Variants in FOXO3 observed in about 807,000 individuals in gnomAD.
FOXO3 encodes the protein forkhead box O3, also known as forkhead box protein O3.
Under a neutral mutation model 41.9 loss-of-function variants are expected in FOXO3, and 4 were observed. The ratio of observed to expected loss-of-function variants is 0.10; its 90% CI spans 0.05 to 0.22. The LOEUF (loss-of-function observed/expected upper bound fraction) is 0.22. FOXO3 is among the 10% of genes least tolerant of loss of function. The probability of loss-of-function intolerance (pLI) is 1.00; values close to 1 mark genes in which losing one functional copy is unlikely to be tolerated. For synonymous variants in FOXO3, 318 were observed against 389.3 expected (o/e 0.82, Z 2.16); for missense variants, 534 against 906.8 (o/e 0.59, Z 5.28).
At chr6:108,633,422 C>A (rs927896107) in intron 1 of FOXO3, among the ~76,000 whole-genome samples, 1 of 151,960 alleles carries the variant, frequency 6.6e-6, no homozygotes, top group Non-Finnish European at 1.5e-5. Flanking sequence ...TGTTTATTAT[C>A]AAGAATGTAG....
intron 1 of FOXO3, among the ~76,000 whole-genome samples, chr6:108,645,290 T>G (rs906537726): frequency 1.3e-5 from 2 of 152,178 alleles, no homozygotes; most frequent in African/African-American, 4.8e-5. Flanking sequence ...TTGTGAAAAT[T>G]GTTGCTAAGG....
At chr6:108,598,857 C>T (rs935991188) in intron 1 of FOXO3, among the ~76,000 whole-genome samples, 1 of 152,178 alleles carries the variant, frequency 6.6e-6, no homozygotes, top group African/African-American at 2.4e-5. Context: ...TCATTGGAGA[C>T]TGCCCACCCA....
At chr6:108,585,717 G>A (rs1247266111) in intron 1 of FOXO3, among the ~76,000 whole-genome samples, 1 of 152,168 alleles carries the variant, frequency 6.6e-6, no homozygotes, top group Non-Finnish European at 1.5e-5. Flanking sequence ...AGGCTACTTA[G>A]GGTGCCTTAG....
intron 1 of FOXO3, among the ~76,000 whole-genome samples, chr6:108,627,817 T>C (rs536699098): frequency 2.2e-4 from 34 of 152,302 alleles, no homozygotes; most frequent in African/African-American, 6.0e-4. Flanking sequence ...TTGGTTTAAA[T>C]CCTCTGCTTA....
intron 1 of FOXO3, among the ~76,000 whole-genome samples, chr6:108,641,800 G>GA (rs370056438): frequency 0.021 from 3,176 of 151,964 alleles, 111 homozygotes; most frequent in African/African-American, 0.071. Flanking sequence ...AAAAAATACA[G>GA]AAAAAAAGTA....
intron 2 of FOXO3, among the ~76,000 whole-genome samples, chr6:108,673,329 G>A (rs534371372): frequency 7.9e-5 from 12 of 152,222 alleles, no homozygotes; most frequent in Non-Finnish European, 1.3e-4. Flanking sequence ...GGCCACCGGG[G>A]CCACACACGC....
At chr6:108,561,954 G>C (rs1016101287) in intron 1 of FOXO3, 125 bp downstream of exon 1, 24 of 1,358,710 alleles carry the variant, frequency 1.8e-5, no homozygotes, top group African/African-American at 1.5e-5. Context: ...GGGAGCCTCC[G>C]CTGCGAGGCT....
intron 1 of FOXO3, among the ~76,000 whole-genome samples, chr6:108,581,055 C>T (rs1477250161): frequency 1.3e-5 from 2 of 152,214 alleles, no homozygotes; most frequent in Non-Finnish European, 2.9e-5. Flanking sequence ...GCTTTCTCTC[C>T]CTGCCCCTGC....
chr6:108,665,140 C>G (rs976276771), intron 2 of FOXO3, among the ~76,000 whole-genome samples: 3 of 152,178 alleles, frequency 2.0e-5, no homozygotes, highest in African/African-American at 7.2e-5. Context: ...GAAGAGAACA[C>G]GTACGCATTC....
At chr6:108,634,270 T>C (rs914240421) in intron 1 of FOXO3, among the ~76,000 whole-genome samples, 2 of 152,104 alleles carry the variant, frequency 1.3e-5, no homozygotes, top group Non-Finnish European at 2.9e-5. Context: ...GCAGTTCAGG[T>C]ATTGAGTATA....
At chr6:108,589,104 C>G (rs912781083) in intron 1 of FOXO3, among the ~76,000 whole-genome samples, 2 of 152,216 alleles carry the variant, frequency 1.3e-5, no homozygotes, top group Admixed American at 1.3e-4. Flanking sequence ...AGAATGGAGG[C>G]TGTCATGGAG....
intron 1 of FOXO3, among the ~76,000 whole-genome samples, chr6:108,568,641 GC>G (rs1394666586): frequency 6.6e-6 from 1 of 152,172 alleles, no homozygotes; most frequent in Non-Finnish European, 1.5e-5. Flanking sequence ...CATATGGATA[GC>G]CTTAGTTCTG....
At chr6:108,641,730 T>C (rs1349315774) in intron 1 of FOXO3, among the ~76,000 whole-genome samples, 1 of 152,044 alleles carries the variant, frequency 6.6e-6, no homozygotes, top group Non-Finnish European at 1.5e-5. Context: ...CCTTAAAATA[T>C]AAGTATATGA....
At chr6:108,581,045 G>A (rs1445532971) in intron 1 of FOXO3, among the ~76,000 whole-genome samples, 1 of 152,204 alleles carries the variant, frequency 6.6e-6, no homozygotes, top group South Asian at 2.1e-4. Context: ...TGTAGTCATT[G>A]CTTTCTCTCC....
intron 2 of FOXO3, among the ~76,000 whole-genome samples, chr6:108,678,960 C>T (rs1770736500): frequency 7.0e-6 from 1 of 143,418 alleles, no homozygotes; most frequent in Non-Finnish European, 1.5e-5. Flanking sequence ...CAAGCTCTGC[C>T]TCTCAGGTTC....
rs556296477 is a variant in FOXO3 at position 108,628,765 on chromosome 6, T to G, written c.622-34690T>G. On this transcript the variant is annotated intron_variant, in intron 1 of 2. Coordinates refer to ENST00000406360, the MANE Select transcript of FOXO3 (RefSeq NM_001455.4). The stretch of plus-strand genomic sequence containing the variant: ...AGCTAGACAGTACTCTACCCTGGGA[T>G]AGTGTGGAGAGGACATCCTTTCCCA... Among the ~76,000 whole-genome samples the G allele has an allele frequency of 7.2e-5, 11 of 152,204 alleles. 1 individual carries two copies. The highest frequency in any genetic ancestry group is 2.6e-4 in the African/African-American group (11 of 41,536).
rs765427790 is a variant in FOXO3, at chr6:108,663,869, A to C, written c.1036A>C (p.Met346Leu). ...VQDDDAPLSP[M>L]LYSSSASLSP... ...GGACGATGATGCGCCTCTCTCGCCC[A>C]TGCTCTACAGCAGCTCAGCCAGCCT... Residue 346 changes from methionine to leucine, a missense_variant, in exon 2 of 3, where the codon ATG becomes CTG. Physicochemically the swap from Met to Leu is conservative, Grantham distance 15. This residue lies in a region of FOXO3 where 185 missense variants were observed against 224.9 expected (regional missense o/e 0.82). Transcript: ENST00000406360. 6.2e-7 allele frequency: 1 copy of C among 1,614,086 alleles called. No individual in the cohort carries two copies. The highest frequency in any genetic ancestry group is 1.1e-5 in the South Asian group (1 of 91,084).
chr6:108,663,790 A>G lies in FOXO3; in HGVS notation c.957A>G (p.Thr319=), dbSNP rs1242810832. The change falls in exon 2 of 3, where the codon ACA becomes ACG. Residue 319 remains threonine, a synonymous_variant. Transcript: ENST00000406360. The stretch of plus-strand genomic sequence containing the variant: ...CACGCACCAATTCTAACGCCAGCAC[A>G]GTCAGTGGCCGCCTGTCGCCCATCA... ...FRSRTNSNAS[T]VSGRLSPIMA... The G allele has an allele frequency of 1.9e-6, 3 of 1,613,828 alleles. No individual in the cohort carries two copies. In the African/African-American group the frequency reaches 4.0e-5, roughly 22 times the overall value.
At chr6:108,625,169 A>G (rs1777777091) in intron 1 of FOXO3, among the ~76,000 whole-genome samples, 2 of 152,334 alleles carry the variant, frequency 1.3e-5, no homozygotes, top group African/African-American at 2.4e-5. Context: ...GACGTTTGTT[A>G]TAATTTAAAC....
Sources: allele counts gnomAD v4.1 joint callset (sites outside exome capture counted in the v4.1 genomes callset), GRCh38; gene constraint gnomAD v4.1.1; regional missense constraint gnomAD v4.1.1; transcripts MANE v1.5; gene names NCBI Gene and HGNC (gene_info 2026-07-23, HGNC 2026-07-21).